Variants in MPHOSPH9 observed in about 807,000 individuals in gnomAD.
The protein encoded by MPHOSPH9 is M-phase phosphoprotein 9.
A neutral mutation model predicts 145.5 loss-of-function variants in MPHOSPH9; 88 were observed. The observed-to-expected ratio is 0.60, with a 90% CI of 0.51 to 0.72. The LOEUF (loss-of-function observed/expected upper bound fraction) is 0.72. MPHOSPH9 is among the 30% of genes least tolerant of loss of function. MPHOSPH9 has a pLI of 0.00. For missense variants in MPHOSPH9, 1,238 were observed against 1,386.6 expected (o/e 0.89, Z 1.70); for synonymous variants, 435 against 486.2 (o/e 0.89, Z 1.39).
chr12:123,204,139 C>T (rs755671785), intron 8 of MPHOSPH9, among the ~76,000 whole-genome samples: 7 of 151,994 alleles, frequency 4.6e-5, no homozygotes, highest in Admixed American at 6.5e-5. Context: ...CCTGTCTCTA[C>T]TAAAAATACA....
intron 6 of MPHOSPH9, among the ~76,000 whole-genome samples, 178 bp downstream of exon 6, chr12:123,218,198 C>T (rs1272908316): frequency 2.0e-5 from 3 of 152,090 alleles, no homozygotes; most frequent in Non-Finnish European, 1.5e-5. Context: ...CGTCATTGCA[C>T]TCCAGTCTGG....
intron 6 of MPHOSPH9, among the ~76,000 whole-genome samples, 180 bp from the exon 7 acceptor site, chr12:123,215,014 C>T (rs1301039156): frequency 6.6e-6 from 1 of 152,106 alleles, no homozygotes; most frequent in Non-Finnish European, 1.5e-5. Context: ...GAGGCCGAGG[C>T]GGGTGGATCA....
chr12:123,212,764 G>A (rs530466522), intron 7 of MPHOSPH9, among the ~76,000 whole-genome samples: 130 of 65,258 alleles, frequency 2.0e-3, no homozygotes, highest in African/African-American at 4.4e-3. Flanking sequence ...TACAATGGTC[G>A]ACTTTTTTTT....
chr12:123,208,968 T>C (rs1368611623), intron 8 of MPHOSPH9, among the ~76,000 whole-genome samples: 1 of 152,194 alleles, frequency 6.6e-6, no homozygotes, highest in African/African-American at 2.4e-5. Flanking sequence ...AGTCTCGCTC[T>C]GTCACCCAGG....
intron 16 of MPHOSPH9, among the ~76,000 whole-genome samples, chr12:123,174,048 G>GCCAC (rs1390836844): frequency 6.6e-6 from 1 of 152,118 alleles, no homozygotes; most frequent in Non-Finnish European, 1.5e-5. Flanking sequence ...TGAATGGGAG[G>GCCAC]CCACCCAGCT....
intron 3 of MPHOSPH9, among the ~76,000 whole-genome samples, chr12:123,225,480 GAATGAAA>G: frequency 7.8e-6 from 1 of 128,438 alleles, no homozygotes; most frequent in African/African-American, 2.9e-5. Flanking sequence ...AAAAGAGAGA[GAATGAAA>G]GAGGAGAAAA....
downstream of MPHOSPH9, among the ~76,000 whole-genome samples, chr12:123,153,780 AAAAAAAAAG>A (rs2137805830): frequency 6.6e-6 from 1 of 151,438 alleles, no homozygotes; most frequent in East Asian, 1.9e-4. Flanking sequence ...AAAAAAAAAA[AAAAAAAAAG>A]GATGCTACCT....
chr12:123,186,247 A>G (rs2045441866), intron 13 of MPHOSPH9, among the ~76,000 whole-genome samples: 1 of 151,540 alleles, frequency 6.6e-6, no homozygotes, highest in Non-Finnish European at 1.5e-5. Flanking sequence ...AAAAAAAAAA[A>G]AAAAGAGATT....
intron 13 of MPHOSPH9, among the ~76,000 whole-genome samples, chr12:123,189,656 C>A (rs779680451): frequency 6.6e-6 from 1 of 152,066 alleles, no homozygotes; most frequent in South Asian, 2.1e-4. Context: ...GTATTAAGGC[C>A]GGGCACGGTG....
At position 123,156,808 on chromosome 12, in the gene MPHOSPH9, C is replaced by T. The variant is rs142112645; in HGVS notation, c.3551G>A (p.Ter1184=). ...FHVLRTSANL[*] ...CTCAAAATTTAATGGCTACAAATCT[C>T]AAAGATTTGCAGAGGTGCGCAAAAC... Residue 1184 remains the stop codon, a stop_retained_variant, in exon 24 of 24, where the codon TGA becomes TAA. Transcript: ENST00000606320. 8 of 1,608,720 alleles carry T rather than the reference C, an allele frequency of 5.0e-6. No homozygotes were observed. The highest frequency in any genetic ancestry group is 1.3e-5 in the African/African-American group (1 of 74,834).
At chr12:123,228,011 A>G (rs1459524103) in intron 2 of MPHOSPH9, among the ~76,000 whole-genome samples, 1 of 152,168 alleles carries the variant, frequency 6.6e-6, no homozygotes, top group African/African-American at 2.4e-5. Context: ...ACTGCCCCAA[A>G]TGACAGTCAA....
At chr12:123,240,146 C>T (rs2047908713) in intron 1 of MPHOSPH9, among the ~76,000 whole-genome samples, 1 of 149,666 alleles carries the variant, frequency 6.7e-6, no homozygotes, top group Admixed American at 6.7e-5. Flanking sequence ...TGTGGATCAT[C>T]TGAGGTCAGG....
In MPHOSPH9 at chr12:123,176,793, A is replaced by T; in HGVS notation, c.2355-4T>A. On this transcript the variant is annotated splice_polypyrimidine_tract_variant and splice_region_variant and intron_variant, in intron 15 of 23. Coordinates refer to ENST00000606320, the MANE Select transcript of MPHOSPH9 (RefSeq NM_022782.4). ...AGCTTCAAGTTTTGAAATCATTCTA[A>T]TTCAAAAGCAATAAAGATAAATTAA... 6.3e-7 allele frequency: 1 copy of T among 1,588,348 alleles called. No homozygotes were observed. The highest frequency in any genetic ancestry group is 1.3e-5 in the African/African-American group (1 of 74,462).
chr12:123,202,245 T>C lies in MPHOSPH9; in HGVS notation c.1856A>G (p.Asn619Ser). The part of the protein sequence containing the change: ...DLRAYYESEI[N>S]SLKQKLEAKE... ...TGCCTCCAGCTTCTGTTTCAAACTA[T>C]TTATTTCTGATTCATAATAAGCTCG... The change falls in exon 11 of 24, where the codon AAT becomes AGT. Residue 619 changes from asparagine (N) to serine (S), a missense_variant. Around this residue, in one of 3 missense-constraint regions of MPHOSPH9, gnomAD observed 837 missense variants for 897.5 expected, o/e 0.93. Transcript: ENST00000606320. 6.2e-7 allele frequency: 1 copy of C among 1,613,554 alleles called. No homozygotes were observed. The highest frequency in any genetic ancestry group is 8.5e-7 in the Non-Finnish European group (1 of 1,179,870).
At chr12:123,230,983 T>G (rs914321968) in intron 1 of MPHOSPH9, among the ~76,000 whole-genome samples, 2 of 152,206 alleles carry the variant, frequency 1.3e-5, no homozygotes, top group African/African-American at 4.8e-5. Context: ...TGGTGATGGC[T>G]GCACAACCTT....
chr12:123,196,020 G>A (rs1383599876), intron 12 of MPHOSPH9, among the ~76,000 whole-genome samples: 1 of 151,514 alleles, frequency 6.6e-6, no homozygotes, highest in African/African-American at 2.4e-5. Context: ...GGGCGATGGA[G>A]TGAGACCCTG....
At position 123,221,546 on chromosome 12, in the gene MPHOSPH9, G is replaced by T. The variant is rs375172540; in HGVS notation, c.698C>A (p.Ala233Glu). Residue 233 changes from alanine to glutamate, a missense_variant, in exon 5 of 24, where the codon GCG becomes GAG. Physicochemically the swap from Ala to Glu is moderately radical, Grantham distance 107. Around this residue, in one of 3 missense-constraint regions of MPHOSPH9, gnomAD observed 837 missense variants for 897.5 expected, o/e 0.93. Transcript: ENST00000606320. ...ATCTACAAGTGACTCAGCCGGCACC[G>T]CAGGTGCTACATACTGTCCTTTGGG... Reference protein sequence around the residue: ...DVPKGQYVAPAVPAESLVDGV... With the variant: ...DVPKGQYVAPEVPAESLVDGV... 2.5e-6 allele frequency: 4 copies of T among 1,614,014 alleles called. No individual in the cohort carries two copies. Among genetic ancestry groups the T allele is most frequent in the African/African-American group, 2.7e-5 (2 of 74,922 alleles).
chr12:123,238,335 C>T (rs1416298553), intron 1 of MPHOSPH9, among the ~76,000 whole-genome samples: 2 of 152,158 alleles, frequency 1.3e-5, no homozygotes, highest in Non-Finnish European at 2.9e-5. Context: ...TGTTTAAGCT[C>T]AATGTTGTTT....
intron 7 of MPHOSPH9, among the ~76,000 whole-genome samples, chr12:123,212,660 G>A (rs1176009628): frequency 3.2e-5 from 4 of 126,642 alleles, no homozygotes; most frequent in Non-Finnish European, 4.8e-5. Context: ...ACAGTAAGCC[G>A]AGATCACACC....
Sources: allele counts gnomAD v4.1 joint callset (sites outside exome capture counted in the v4.1 genomes callset), GRCh38; gene constraint gnomAD v4.1.1; regional missense constraint gnomAD v4.1.1; transcripts MANE v1.5; gene names NCBI Gene and HGNC (gene_info 2026-07-23, HGNC 2026-07-21).